PANK1: variants seen among roughly 807,000 people sequenced by gnomAD.
The protein encoded by PANK1 is pantothenic acid kinase 1.
In PANK1, 18 loss-of-function variants were observed where a neutral mutation model predicts 40.1. The ratio of observed to expected loss-of-function variants is 0.45; its 90% CI spans 0.31 to 0.67. The LOEUF (loss-of-function observed/expected upper bound fraction) is 0.67. Ranked by LOEUF, PANK1 falls within the 30% of genes least tolerant of loss-of-function variation. The pLI is 0.06. For missense variants in PANK1, 457 were observed against 599.6 expected (o/e 0.76, Z 2.48); for synonymous variants, 242 against 237.7 (o/e 1.02, Z -0.17).
intron 1 of PANK1, among the ~76,000 whole-genome samples, chr10:89,631,976 G>GTGTGTGT (rs199540491): frequency 0.01 from 1,447 of 143,316 alleles, 11 homozygotes; most frequent in Middle Eastern, 0.021. Flanking sequence ...GTGTGTGTGT[G>GTGTGTGT]TTTTTTTTTT....
intron 1 of PANK1, among the ~76,000 whole-genome samples, chr10:89,623,749 C>G (rs1845576311): frequency 6.6e-6 from 1 of 152,136 alleles, no homozygotes; most frequent in Non-Finnish European, 1.5e-5. Context: ...CTGCCCATAT[C>G]AAACCAATTA....
At chr10:89,634,457 T>G (rs1841746285) in intron 1 of PANK1, among the ~76,000 whole-genome samples, 1 of 152,204 alleles carries the variant, frequency 6.6e-6, no homozygotes, top group Admixed American at 6.5e-5. Context: ...GTGCTGGTGC[T>G]GAAGGCAAGC....
intron 3 of PANK1, among the ~76,000 whole-genome samples, chr10:89,595,404 T>C (rs1385896784): frequency 6.6e-6 from 1 of 152,174 alleles, no homozygotes; most frequent in Non-Finnish European, 1.5e-5. Context: ...TGAGCCGGGA[T>C]TGTGCCATTG....
At chr10:89,611,399 T>C (rs1172399550) in intron 2 of PANK1, among the ~76,000 whole-genome samples, 2 of 152,242 alleles carry the variant, frequency 1.3e-5, no homozygotes, top group Non-Finnish European at 2.9e-5. Context: ...GAAGGGATTT[T>C]AGCATCTTGT....
rs1384359804 is a variant in PANK1 at position 89,593,894 on chromosome 10, G to A, written c.995C>T (p.Thr332Ile). The A allele has an allele frequency of 1.2e-6, 2 of 1,613,742 alleles. No individual in the cohort carries two copies. The highest frequency in any genetic ancestry group is 1.7e-6 in the Non-Finnish European group (2 of 1,179,680). The change falls in exon 4 of 7, where the codon ACC becomes ATC. Residue 332 changes from threonine (T) to isoleucine (I), a missense_variant. Thr to Ile is a moderately conservative substitution (Grantham distance 89, BLOSUM62 -1). Around this residue, in one of 4 missense-constraint regions of PANK1, gnomAD observed 286 missense variants for 415.8 expected, o/e 0.69. Transcript: ENST00000307534. The part of the protein sequence containing the change: ...ALEMAAKGDS[T>I]NVDKLVKDIY... ...GTCCTTCACCAGTTTATCAACATTG[G>A]TGCTGTCGCCTTTAGCTGCCATTTC... is the stretch of plus-strand genomic sequence containing the variant.
chr10:89,585,506 G>A (rs113796850), intron 6 of PANK1, among the ~76,000 whole-genome samples: 295 of 152,270 alleles, frequency 1.9e-3, no homozygotes, highest in African/African-American at 6.5e-3. Flanking sequence ...TGCTGCTGCT[G>A]CTGCTGTCTG....
At chr10:89,592,372 T>C (rs1052082611) in intron 5 of PANK1, among the ~76,000 whole-genome samples, 2 of 152,248 alleles carry the variant, frequency 1.3e-5, no homozygotes, top group Admixed American at 6.5e-5. Flanking sequence ...TAATGTTCTA[T>C]TTCTTGATCT....
At chr10:89,632,331 G>C (rs1304660982) in intron 1 of PANK1, among the ~76,000 whole-genome samples, 2 of 152,064 alleles carry the variant, frequency 1.3e-5, no homozygotes, top group African/African-American at 4.8e-5. Flanking sequence ...ATATCAAACT[G>C]TTTTCCCTTT....
At chr10:89,639,381 T>C (rs915593911) in intron 1 of PANK1, 7 of 277,550 alleles carry the variant, frequency 2.5e-5, no homozygotes, top group Middle Eastern at 4.6e-4. Flanking sequence ...CATTGGAGAT[T>C]ACATTTCCAA....
chr10:89,610,660 G>A (rs1296993052), intron 2 of PANK1, among the ~76,000 whole-genome samples: 2 of 152,180 alleles, frequency 1.3e-5, no homozygotes, highest in Non-Finnish European at 1.5e-5. Context: ...ATTCATTAAT[G>A]ACAGACTTTA....
chr10:89,625,402 A>G (rs1025091259), intron 1 of PANK1, among the ~76,000 whole-genome samples: 4 of 152,208 alleles, frequency 2.6e-5, no homozygotes, highest in African/African-American at 9.7e-5. Context: ...GGTGATTTTC[A>G]AATTTTAAAT....
chr10:89,608,504 C>T (rs1845048596), intron 2 of PANK1, among the ~76,000 whole-genome samples: 1 of 152,112 alleles, frequency 6.6e-6, no homozygotes, highest in South Asian at 2.1e-4. Flanking sequence ...CTTTCTTGTA[C>T]ATTTTAAATG....
intron 1 of PANK1, among the ~76,000 whole-genome samples, chr10:89,639,731 T>C (rs929247671): frequency 6.6e-5 from 10 of 152,230 alleles, no homozygotes; most frequent in African/African-American, 2.4e-4. Context: ...TAAATAGTTT[T>C]ACCCTGAGTC....
intron 1 of PANK1, among the ~76,000 whole-genome samples, chr10:89,631,931 G>A (rs941411408): frequency 6.7e-6 from 1 of 148,936 alleles, no homozygotes; most frequent in Non-Finnish European, 1.5e-5. Context: ...ATAATACACT[G>A]CTAACTTTTA....
At chr10:89,594,088 A>G in intron 3 of PANK1, 99 bp from the exon 4 acceptor site, 1 of 788,808 alleles carries the variant, frequency 1.3e-6, no homozygotes. Flanking sequence ...GAATAAAAGC[A>G]GACGAACAAA....
At chr10:89,644,533 C>T (rs1268111466) in intron 1 of PANK1, 67 bp downstream of exon 1, 2 of 1,431,082 alleles carry the variant, frequency 1.4e-6, no homozygotes, top group Admixed American at 2.0e-5. Flanking sequence ...GCCTCAGCCG[C>T]TCCCAGTCCC....
At chr10:89,630,373 T>C (rs1250375361) in intron 1 of PANK1, among the ~76,000 whole-genome samples, 1 of 152,270 alleles carries the variant, frequency 6.6e-6, no homozygotes, top group Non-Finnish European at 1.5e-5. Context: ...TTTCCATGCA[T>C]TATTTAATTC....
intron 6 of PANK1, among the ~76,000 whole-genome samples, chr10:89,586,333 TG>T (rs1417522331): frequency 8.5e-5 from 13 of 152,272 alleles, no homozygotes; most frequent in South Asian, 2.1e-4. Context: ...AAGGCTGAGA[TG>T]TTTTTTTCTT....
intron 3 of PANK1, among the ~76,000 whole-genome samples, chr10:89,594,629 C>T (rs1390571963): frequency 6.6e-6 from 1 of 152,110 alleles, no homozygotes; most frequent in Non-Finnish European, 1.5e-5. Flanking sequence ...AGTAGACTCT[C>T]CAGAAGGTTT....
Sources: allele counts gnomAD v4.1 joint callset (sites outside exome capture counted in the v4.1 genomes callset), GRCh38; gene constraint gnomAD v4.1.1; regional missense constraint gnomAD v4.1.1; transcripts MANE v1.5; gene names NCBI Gene and HGNC (gene_info 2026-07-23, HGNC 2026-07-21).